FOXO1: variants seen among roughly 807,000 people sequenced by gnomAD.
FOXO1 encodes the protein forkhead box O1.
A neutral mutation model predicts 44.1 loss-of-function variants in FOXO1; 6 were observed. That is an observed-to-expected ratio of 0.14 (90% CI 0.07 to 0.27). FOXO1 has a LOEUF of 0.27. Ranked by LOEUF, FOXO1 falls within the 10% of genes least tolerant of loss-of-function variation. The pLI is 1.00. For missense variants in FOXO1, 737 were observed against 888.8 expected, an observed-to-expected ratio of 0.83 and a Z score of 2.17; for synonymous variants, 380 against 362.7, an observed-to-expected ratio of 1.05 and a Z score of -0.54.
intron 1 of FOXO1, among the ~76,000 whole-genome samples, chr13:40,627,605 G>A (rs1220357617): frequency 6.6e-6 from 1 of 152,080 alleles, no homozygotes; most frequent in East Asian, 1.9e-4. Context: ...AGCCAAGGTG[G>A]GCAGGTCATC....
At chr13:40,565,323 G>A (rs1874225052) in intron 1 of FOXO1, among the ~76,000 whole-genome samples, 1 of 152,134 alleles carries the variant, frequency 6.6e-6, no homozygotes, top group African/African-American at 2.4e-5. Context: ...TACACGTAAA[G>A]AGCCACTTAA....
chr13:40,656,657 T>C (rs181912681), intron 1 of FOXO1, among the ~76,000 whole-genome samples: 48 of 152,346 alleles, frequency 3.2e-4, no homozygotes, highest in African/African-American at 1.2e-3. Context: ...TGTTCCTAAG[T>C]AGTTGCATTT....
chr13:40,653,212 C>T (rs1328806826), intron 1 of FOXO1, among the ~76,000 whole-genome samples: 1 of 152,134 alleles, frequency 6.6e-6, no homozygotes, highest in Admixed American at 6.5e-5. Context: ...CATGATCCAC[C>T]CGCTTCAGCC....
intron 1 of FOXO1, among the ~76,000 whole-genome samples, chr13:40,635,035 T>C (rs1174726567): frequency 6.6e-6 from 1 of 152,124 alleles, no homozygotes; most frequent in Non-Finnish European, 1.5e-5. Context: ...TTTAGCATCA[T>C]TCATTAAAAT....
chr13:40,644,002 T>G (rs1195834612), intron 1 of FOXO1, among the ~76,000 whole-genome samples: 1 of 152,228 alleles, frequency 6.6e-6, no homozygotes, highest in Non-Finnish European at 1.5e-5. Flanking sequence ...TAATATTTAC[T>G]GCAAAATTAC....
intron 1 of FOXO1, among the ~76,000 whole-genome samples, chr13:40,583,112 C>T (rs1875018334): frequency 6.6e-6 from 1 of 152,152 alleles, no homozygotes; most frequent in African/African-American, 2.4e-5. Context: ...CATCAAAGCT[C>T]TTGTGTGAGG....
intron 1 of FOXO1, among the ~76,000 whole-genome samples, chr13:40,563,194 C>A: frequency 6.6e-6 from 1 of 152,202 alleles, no homozygotes; most frequent in East Asian, 1.9e-4. Flanking sequence ...ATGCCATTGA[C>A]ATGGGACGCC....
At chr13:40,664,822 C>T (rs1878167691) in intron 1 of FOXO1, among the ~76,000 whole-genome samples, 1 of 151,152 alleles carries the variant, frequency 6.6e-6, no homozygotes, top group South Asian at 2.1e-4. Flanking sequence ...ACCGCCACCG[C>T]CACCGCCACC....
intron 1 of FOXO1, among the ~76,000 whole-genome samples, chr13:40,581,131 C>T (rs1276968226): frequency 1.3e-5 from 2 of 152,192 alleles, no homozygotes; most frequent in East Asian, 3.8e-4. Context: ...TGGGACACAA[C>T]AGGTGTCCAG....
chr13:40,652,696 C>T (rs188451024), intron 1 of FOXO1, among the ~76,000 whole-genome samples: 1 of 152,256 alleles, frequency 6.6e-6, no homozygotes, highest in East Asian at 1.9e-4. Context: ...CAAAATAGAA[C>T]AATAAAATCC....
chr13:40,578,961 G>T (rs949271350), intron 1 of FOXO1, among the ~76,000 whole-genome samples: 3 of 152,188 alleles, frequency 2.0e-5, no homozygotes, highest in Non-Finnish European at 4.4e-5. Context: ...TTTGGAAAAT[G>T]CTGATCTAAT....
At chr13:40,616,646 A>C (rs1876433387) in intron 1 of FOXO1, among the ~76,000 whole-genome samples, 1 of 152,192 alleles carries the variant, frequency 6.6e-6, no homozygotes, top group Admixed American at 6.5e-5. Flanking sequence ...GAGGTATCGG[A>C]AGCTACTATA....
At chr13:40,633,422 G>T (rs1022267710) in intron 1 of FOXO1, among the ~76,000 whole-genome samples, 12 of 152,152 alleles carry the variant, frequency 7.9e-5, no homozygotes, top group African/African-American at 2.2e-4. Flanking sequence ...TCCATACAAT[G>T]GCATATTAAT....
chr13:40,607,191 A>G (rs1395566817), intron 1 of FOXO1, among the ~76,000 whole-genome samples: 1 of 152,208 alleles, frequency 6.6e-6, no homozygotes, highest in African/African-American at 2.4e-5. Context: ...CAGAAGGCAC[A>G]GTGCAATTCT....
At chr13:40,642,201 A>G (rs952816646) in intron 1 of FOXO1, among the ~76,000 whole-genome samples, 1 of 152,212 alleles carries the variant, frequency 6.6e-6, no homozygotes. Context: ...TCTTTTTTGT[A>G]GCTAGTGTAA....
chr13:40,562,415 C>T (rs1874070847), intron 1 of FOXO1, among the ~76,000 whole-genome samples: 1 of 152,166 alleles, frequency 6.6e-6, no homozygotes, highest in Admixed American at 6.5e-5. Flanking sequence ...TACTTACTTA[C>T]CTAGGTGACC....
At chr13:40,624,799 T>C (rs1042126913) in intron 1 of FOXO1, among the ~76,000 whole-genome samples, 9 of 152,234 alleles carry the variant, frequency 5.9e-5, no homozygotes, top group Admixed American at 4.6e-4. Context: ...GGAGAGTATT[T>C]CGAGTAATGA....
chr13:40,641,712 C>T (rs896803206), intron 1 of FOXO1, among the ~76,000 whole-genome samples: 4 of 152,224 alleles, frequency 2.6e-5, no homozygotes, highest in Middle Eastern at 3.4e-3. Context: ...CAGCTGGGTG[C>T]GGTGGCTCAC....
intron 1 of FOXO1, among the ~76,000 whole-genome samples, chr13:40,594,965 G>A (rs1355074610): frequency 1.3e-5 from 2 of 152,142 alleles, no homozygotes; most frequent in Non-Finnish European, 2.9e-5. Context: ...GAGATTATAG[G>A]TATGAGCCAC....
Sources: gnomAD v4.1 joint callset for allele counts (sites outside exome capture counted in the v4.1 genomes callset) on GRCh38, gnomAD v4.1.1 for gene constraint, MANE v1.5 for transcripts, NCBI Gene and HGNC (gene_info 2026-07-23, HGNC 2026-07-21) for gene names.